Variants in MALRD1 observed in about 807,000 individuals in gnomAD.
MALRD1 encodes MAM and LDL-receptor class A domain-containing protein 1.
Under a neutral mutation model 242.1 loss-of-function variants are expected in MALRD1, and 247 were observed. The observed-to-expected ratio is 1.02, with a 90% CI of 0.92 to 1.13. MALRD1 has a LOEUF of 1.13. Among genes scored for constraint, MALRD1 ranks in the 50% most tolerant of loss-of-function variants. The pLI is 0.00. For missense variants in MALRD1, 2,989 were observed against 2,533.1 expected (o/e 1.18, Z -3.86); for synonymous variants, 995 against 866.6 (o/e 1.15, Z -2.60).
At chr10:19,224,367 A>C (rs1837694462) in intron 18 of MALRD1, among the ~76,000 whole-genome samples, 1 of 150,882 alleles carries the variant, frequency 6.6e-6, no homozygotes, top group African/African-American at 2.4e-5. Context: ...GCTCACTGCA[A>C]CCTCCACCTA....
At position 19,684,162 on chromosome 10, in the gene MALRD1, C is replaced by T. The variant is rs74629896; in HGVS notation, c.6138-8120C>T. 6.6e-3 allele frequency among the ~76,000 whole-genome samples: 1,009 copies of T among 152,166 alleles called. 8 individuals carry two copies. Among genetic ancestry groups the T allele is most frequent in the African/African-American group, 0.021 (867 of 41,532 alleles). On this transcript the variant is annotated intron_variant, in intron 36 of 39. Coordinates refer to ENST00000454679, the MANE Select transcript of MALRD1 (RefSeq NM_001142308.3). ...TATTTTAACTTTAGTGAAGCAAAAC[C>T]GTATGGTCAACAGAGCCAAAGTTGA...
Position 19,491,652 on chromosome 10 carries a change from TTATC to T in MALRD1, c.5158+13_5158+16del. On this transcript the variant is annotated splice_region_variant and intron_variant, in intron 30 of 39. Transcript: ENST00000454679. Reference sequence around the variant, plus strand: ...TCTGATGAAGCTCACTGTGGTAAGTTTATCTATCTGCTGTATGGCAGCCAGTTCA... The same window carrying T: ...TCTGATGAAGCTCACTGTGGTAAGTTTATCTGCTGTATGGCAGCCAGTTCA... The T allele has an allele frequency of 6.5e-7, 1 of 1,548,296 alleles. No individual in the cohort carries two copies.
chr10:19,649,436 G>A (rs1001197271), intron 36 of MALRD1, among the ~76,000 whole-genome samples: 4 of 152,168 alleles, frequency 2.6e-5, no homozygotes, highest in Non-Finnish European at 5.9e-5. Flanking sequence ...CATTTGGACA[G>A]GTGTGAGATG....
intron 1 of MALRD1, among the ~76,000 whole-genome samples, chr10:19,058,749 C>T (rs1834738125): frequency 6.6e-6 from 1 of 151,764 alleles, no homozygotes; most frequent in Non-Finnish European, 1.5e-5. Context: ...GAGAAATGAC[C>T]ATGTATGATG....
chr10:19,113,363 C>T (rs144697308), intron 5 of MALRD1, among the ~76,000 whole-genome samples: 16 of 152,294 alleles, frequency 1.1e-4, no homozygotes, highest in Non-Finnish European at 1.5e-4. Flanking sequence ...AGTTCAGCAA[C>T]GCAGTGTCCT....
intron 10 of MALRD1, among the ~76,000 whole-genome samples, chr10:19,140,553 G>A (rs1249292582): frequency 1.3e-5 from 2 of 151,494 alleles, no homozygotes; most frequent in African/African-American, 2.4e-5. Flanking sequence ...ATGTGTGTGT[G>A]TGTGTGTGTG....
intron 38 of MALRD1, 179 bp from the exon 39 acceptor site, chr10:19,730,527 G>A (rs1415567971): frequency 1.4e-6 from 1 of 692,090 alleles, no homozygotes; most frequent in African/African-American, 1.8e-5. Context: ...TGGTTGCCTT[G>A]GTGTCCTGCA....
chr10:19,397,435 G>A (rs1309046041), intron 28 of MALRD1, among the ~76,000 whole-genome samples: 2 of 152,156 alleles, frequency 1.3e-5, no homozygotes, highest in South Asian at 2.1e-4. Flanking sequence ...TTTAATGGAT[G>A]AGTAATATTC....
At chr10:19,325,006 CTTTTTT>C (rs34290618) in intron 22 of MALRD1, among the ~76,000 whole-genome samples, 3 of 77,948 alleles carry the variant, frequency 3.8e-5, no homozygotes, top group African/African-American at 1.0e-4. Flanking sequence ...TCAGTAGTTG[CTTTTTT>C]TTTTTTTTTT....
intron 29 of MALRD1, among the ~76,000 whole-genome samples, chr10:19,454,119 G>T (rs1332121244): frequency 6.6e-6 from 1 of 151,066 alleles, no homozygotes; most frequent in Non-Finnish European, 1.5e-5. Flanking sequence ...ATAGCTTTTG[G>T]ATTTTCCTAA....
intron 15 of MALRD1, 85 bp from the exon 16 acceptor site, chr10:19,204,223 C>A: frequency 1.2e-6 from 1 of 830,710 alleles, no homozygotes; most frequent in Non-Finnish European, 1.9e-6. Flanking sequence ...AATGATCTTG[C>A]TCAGTGTAGG....
rs1840730487 is a variant in MALRD1 at position 19,280,058 on chromosome 10, G to T, written c.3091G>T (p.Ala1031Ser). Residue 1031 changes from alanine (A) to serine (S), a missense_variant, in exon 20 of 40, where the codon GCA (alanine) becomes TCA (serine). Physicochemically the swap from Ala to Ser is moderately conservative, Grantham distance 99. Coordinates refer to ENST00000454679, the MANE Select transcript of MALRD1 (RefSeq NM_001142308.3). Reference protein sequence around the residue: ...DCTLYPGNLPADLPTPPETSV... With the variant: ...DCTLYPGNLPSDLPTPPETSV... ...TATTTCTTATCAAGGTAATTTGCCA[G>T]CAGACCTCCCAACTCCACCAGAAAC... is the stretch of plus-strand genomic sequence containing the variant. 6.6e-7 allele frequency: 1 copy of T among 1,504,376 alleles called. No individual in the cohort carries two copies. The highest frequency in any genetic ancestry group is 2.6e-5 in the Admixed American group (1 of 38,952). The allele number at this position is 1,504,376 out of a possible 1,614,324, so 93.2% of individuals were successfully genotyped here.
At chr10:19,558,600 T>C (rs1307718531) in intron 32 of MALRD1, among the ~76,000 whole-genome samples, 1 of 152,222 alleles carries the variant, frequency 6.6e-6, no homozygotes, top group Non-Finnish European at 1.5e-5. Context: ...GATCATGGTA[T>C]ATTATTCTTT....
chr10:19,128,355 A>G lies in MALRD1; in HGVS notation c.1078A>G (p.Ser360Gly). 2 of 1,233,266 alleles carry G rather than the reference A, an allele frequency of 1.6e-6. No homozygotes were observed. Among genetic ancestry groups the G allele is most frequent in the Non-Finnish European group, 2.0e-6 (2 of 987,646 alleles). The allele number at this position is 1,233,266 out of a possible 1,614,324, so 76.4% of individuals were successfully genotyped here. The stretch of plus-strand genomic sequence containing the variant: ...TCAATTCTATTATGCAATGGAAAGC[A>G]GTGTCCTGAGAGTAAGACTGTATAA... ...HLQFYYAMES[S>G]VLRVRLYNNK... is the part of the protein sequence containing the mutation. Residue 360 changes from serine to glycine, a missense_variant, in exon 8 of 40, where the codon AGT (serine) becomes GGT (glycine). By Grantham distance (56) the Ser-to-Gly change is moderately conservative. Coordinates refer to ENST00000454679, the MANE Select transcript of MALRD1 (RefSeq NM_001142308.3).
intron 36 of MALRD1, among the ~76,000 whole-genome samples, chr10:19,684,925 C>G (rs1328600623): frequency 1.3e-5 from 2 of 152,150 alleles, no homozygotes; most frequent in African/African-American, 4.8e-5. Flanking sequence ...GGTATGGAAT[C>G]AGTATACTAT....
At chr10:19,209,230 C>T in intron 17 of MALRD1, 38 bp from the exon 18 acceptor site, 5 of 1,452,572 alleles carry the variant, frequency 3.4e-6, no homozygotes, top group Non-Finnish European at 2.7e-6. Context: ...TATTTTTGTC[C>T]CTAATTATCT....
At chr10:19,414,322 A>G (rs962280843) in intron 28 of MALRD1, among the ~76,000 whole-genome samples, 20 of 152,350 alleles carry the variant, frequency 1.3e-4, no homozygotes, top group African/African-American at 4.6e-4. Flanking sequence ...TTTGTCACGA[A>G]TAAGATACAA....
intron 38 of MALRD1, among the ~76,000 whole-genome samples, chr10:19,719,219 C>CCT (rs1834599859): frequency 3.3e-5 from 1 of 30,308 alleles, no homozygotes; most frequent in African/African-American, 7.3e-5. Context: ...TATACACATA[C>CCT]ATACATATAT....
chr10:19,355,858 T>TATATATATATATATATATATATA (rs57813656), intron 26 of MALRD1, among the ~76,000 whole-genome samples: 1,862 of 94,438 alleles, frequency 0.02, 157 homozygotes, highest in East Asian at 0.042. Flanking sequence ...TATATATATA[T>TATATATATATATATATATATATA]TATATATGAT....
Sources: allele counts gnomAD v4.1 joint callset (sites outside exome capture counted in the v4.1 genomes callset), GRCh38; gene constraint gnomAD v4.1.1; transcripts MANE v1.5; gene names NCBI Gene and HGNC (gene_info 2026-07-23, HGNC 2026-07-21).